The following CCDC148 variants were observed in gnomAD, a reference collection of about 807,000 sequenced individuals.
The protein encoded by CCDC148 is coiled-coil domain containing 148, also known as coiled-coil domain-containing protein 148.
In CCDC148, 89 loss-of-function variants were observed where a neutral mutation model predicts 85.7. That is an observed-to-expected ratio of 1.04 (90% confidence interval 0.87 to 1.24). CCDC148 has a LOEUF of 1.24. Among genes scored for constraint, CCDC148 ranks in the 50% most tolerant of loss-of-function variants. The probability of loss-of-function intolerance (pLI) is 0.00; values close to 1 mark genes in which losing one functional copy is unlikely to be tolerated. For missense variants in CCDC148, 692 were observed against 671.7 expected (o/e 1.03, Z -0.33); for synonymous variants, 230 against 213.9 (o/e 1.08, Z -0.66).
chr2:158,307,018 CA>C (rs56030055), intron 9 of CCDC148, among the ~76,000 whole-genome samples: 91,169 of 133,906 alleles, frequency 0.68, 31,447 homozygotes, highest in African/African-American at 0.82. Context: ...GACTCCATCT[CA>C]AAAAAAAAAA....
intron 2 of CCDC148, among the ~76,000 whole-genome samples, chr2:158,357,412 TAGGG>T (rs1372220999): frequency 3.3e-5 from 5 of 152,140 alleles, no homozygotes; most frequent in African/African-American, 1.2e-4. Context: ...GATAGACTAT[TAGGG>T]AGAAAAGTAT....
intron 10 of CCDC148, among the ~76,000 whole-genome samples, chr2:158,227,488 C>G (rs1006621016): frequency 5.9e-4 from 90 of 152,160 alleles, no homozygotes; most frequent in African/African-American, 2.0e-3. Context: ...AAAAAGAGCC[C>G]GCATTGCCAA....
In CCDC148 at chr2:158,285,400, A is replaced by G. The variant is rs536657741; in HGVS notation, c.1110+24033T>C. Among the ~76,000 whole-genome samples, 13 of 152,264 alleles carry G rather than the reference A, an allele frequency of 8.5e-5. 1 individual carries two copies. The highest frequency in any genetic ancestry group is 7.2e-4 in the Admixed American group (11 of 15,298). Reference sequence around the variant, plus strand: ...GAAACTCTCCAGAATAAAGCATAGCATATGAAATAGGAAATAGAAAAAGAA... The same window carrying G: ...GAAACTCTCCAGAATAAAGCATAGCGTATGAAATAGGAAATAGAAAAAGAA... On this transcript the variant is annotated intron_variant, in intron 9 of 13. Transcript: ENST00000283233.
At chr2:158,211,284 G>A (rs943631335) in intron 11 of CCDC148, among the ~76,000 whole-genome samples, 9 of 152,156 alleles carry the variant, frequency 5.9e-5, no homozygotes, top group African/African-American at 2.2e-4. Flanking sequence ...TGTTACTGAA[G>A]AGGAGAATTT....
intron 4 of CCDC148, 30 bp downstream of exon 4, chr2:158,340,568 C>T (rs933550473): frequency 2.0e-6 from 3 of 1,495,396 alleles, no homozygotes; most frequent in East Asian, 2.3e-5. Flanking sequence ...ATAAAACTCC[C>T]CTTTAAATAT....
rs534652451 is a variant in CCDC148 at position 158,417,659 on chromosome 2, T to A, written c.25+38756A>T. On this transcript the variant is annotated intron_variant, in intron 1 of 13. Transcript: ENST00000283233. ...CCTTGTGGTCTCAAGGCTCTTGCCT[T>A]CTATTCCTCCTCCCTCTCCTTTACC... 4.0e-4 allele frequency among the ~76,000 whole-genome samples: 61 copies of A among 152,292 alleles called. 2 individuals are homozygous for A. The highest frequency in any genetic ancestry group is 1.4e-3 in the African/African-American group (60 of 41,570).
intron 1 of CCDC148, among the ~76,000 whole-genome samples, chr2:158,414,721 T>C (rs1296454988): frequency 6.6e-6 from 1 of 152,096 alleles, no homozygotes; most frequent in Non-Finnish European, 1.5e-5. Flanking sequence ...GAGGCATGAA[T>C]GAAGTATGTG....
chr2:158,249,786 G>C (rs1162576820), intron 10 of CCDC148, among the ~76,000 whole-genome samples: 1 of 152,042 alleles, frequency 6.6e-6, no homozygotes, highest in Non-Finnish European at 1.5e-5. Flanking sequence ...GAGCTTCTTT[G>C]ACTTAGTTGG....
At chr2:158,312,926 T>G (rs1163138832) in intron 8 of CCDC148, among the ~76,000 whole-genome samples, 1 of 152,228 alleles carries the variant, frequency 6.6e-6, no homozygotes, top group Non-Finnish European at 1.5e-5. Flanking sequence ...CTCTTACATG[T>G]ATTCAAGGAG....
At chr2:158,453,052 T>C (rs961635721) in intron 1 of CCDC148, among the ~76,000 whole-genome samples, 1 of 152,242 alleles carries the variant, frequency 6.6e-6, no homozygotes, top group African/African-American at 2.4e-5. Context: ...ACATCCTGAT[T>C]CCAATTTTTT....
intron 1 of CCDC148, among the ~76,000 whole-genome samples, chr2:158,450,593 G>A (rs1216682716): frequency 6.6e-6 from 1 of 152,134 alleles, no homozygotes; most frequent in Non-Finnish European, 1.5e-5. Context: ...ATTCTTGACA[G>A]GTTTTTTCTT....
chr2:158,250,776 T>C lies in CCDC148; in HGVS notation c.1247A>G (p.Lys416Arg), dbSNP rs2105141802. The change falls in exon 10 of 14, where the codon AAA (lysine) becomes AGA (arginine). Residue 416 changes from lysine (K) to arginine (R), a missense_variant. By Grantham distance (26) the Lys-to-Arg change is conservative. Transcript: ENST00000283233. The stretch of plus-strand genomic sequence containing the variant: ...TATTGACAATAGATTTTTTACTTTT[T>C]TTTTCTTCTCTGCTCTTTGCAACAA... ...KELLQRAEKK[K>R]KIKKYWAKKK... 1.3e-6 allele frequency: 2 copies of C among 1,548,220 alleles called. No homozygotes were observed. Among genetic ancestry groups the C allele is most frequent in the East Asian group, 2.4e-5 (1 of 42,162 alleles).
rs563960390 is a variant in CCDC148, at chr2:158,343,012, G to GT, written c.251+2202dup. ...AAAGTTTGGCATATGTTTTCATTTT[G>GT]TTTTGCTGTTTTTAGACATGGGGTC... On this transcript the variant is annotated intron_variant, in intron 3 of 13. Transcript: ENST00000283233. 6.8e-3 allele frequency among the ~76,000 whole-genome samples: 1,030 copies of GT among 152,188 alleles called. 3 individuals carry two copies. The highest frequency in any genetic ancestry group is 0.031 in the Middle Eastern group (9 of 294).
At chr2:158,273,363 T>G (rs913241577) in intron 9 of CCDC148, among the ~76,000 whole-genome samples, 2 of 152,186 alleles carry the variant, frequency 1.3e-5, no homozygotes, top group African/African-American at 2.4e-5. Flanking sequence ...TGATTACACA[T>G]GAAATCATAT....
chr2:158,387,435 C>T (rs532602739), intron 1 of CCDC148, among the ~76,000 whole-genome samples: 2 of 152,160 alleles, frequency 1.3e-5, no homozygotes, highest in East Asian at 3.9e-4. Flanking sequence ...CTGCCGTTAA[C>T]TTTTTATCTT....
chr2:158,261,314 A>G (rs1231798990), intron 9 of CCDC148, among the ~76,000 whole-genome samples: 1 of 152,110 alleles, frequency 6.6e-6, no homozygotes, highest in Non-Finnish European at 1.5e-5. Context: ...CTGGCTAGCC[A>G]TATGCAGAAG....
intron 11 of CCDC148, among the ~76,000 whole-genome samples, chr2:158,195,021 A>C (rs1685600442): frequency 6.6e-6 from 1 of 151,674 alleles, no homozygotes; most frequent in African/African-American, 2.4e-5. Context: ...TCTCGCTGGG[A>C]TCAATTCACT....
At chr2:158,374,944 CTAAA>C (rs1260934440) in intron 1 of CCDC148, among the ~76,000 whole-genome samples, 1 of 151,920 alleles carries the variant, frequency 6.6e-6, no homozygotes, top group Non-Finnish European at 1.5e-5. Context: ...AAGGTAAATT[CTAAA>C]TAAATAGTTA....
chr2:158,396,965 T>C (rs1466652461), intron 1 of CCDC148, among the ~76,000 whole-genome samples: 1 of 152,044 alleles, frequency 6.6e-6, no homozygotes, highest in Admixed American at 6.6e-5. Context: ...ATTTGGAAAC[T>C]CTTATGGAAT....
Sources: allele counts gnomAD v4.1 joint callset (sites outside exome capture counted in the v4.1 genomes callset), GRCh38; gene constraint gnomAD v4.1.1; transcripts MANE v1.5; gene names NCBI Gene and HGNC (gene_info 2026-07-23, HGNC 2026-07-21).